TRAPPC13: variants seen among roughly 807,000 people sequenced by gnomAD.
The protein encoded by TRAPPC13 is trafficking protein particle complex subunit 13, also known as REV7-interacting novel NHEJ regulator 1.
In TRAPPC13, 39 loss-of-function variants were observed where a neutral mutation model predicts 54.0. The ratio of observed to expected loss-of-function variants is 0.72; its 90% CI spans 0.56 to 0.94. The LOEUF is 0.94. TRAPPC13 is among the 40% of genes least tolerant of loss of function. TRAPPC13 has a pLI of 0.00. For missense variants in TRAPPC13, 386 were observed against 488.1 expected, an observed-to-expected ratio of 0.79 and a Z score of 1.97; for synonymous variants, 148 against 167.7, an observed-to-expected ratio of 0.88 and a Z score of 0.91.
chr5:65,625,944 C>G (rs962548449), intron 1 of TRAPPC13: 12 of 152,172 alleles, frequency 7.9e-5, no homozygotes, highest in African/African-American at 2.9e-4. Context: ...TTTTGAGGAA[C>G]GCCTTATCCT....
chr5:65,654,769 G>T (rs945863668), intron 7 of TRAPPC13, among the ~76,000 whole-genome samples: 1 of 152,146 alleles, frequency 6.6e-6, no homozygotes, highest in Admixed American at 6.5e-5. Flanking sequence ...CTTTGTTATA[G>T]TCTTCTAAGA....
chr5:65,664,072 G>A, intron 11 of TRAPPC13, 165 bp from the exon 12 acceptor site: 1 of 689,316 alleles, frequency 1.5e-6, no homozygotes, highest in Non-Finnish European at 2.4e-6. Context: ...CATCTTCCTG[G>A]TTCTATCTTA....
chr5:65,650,432 G>A (rs886908386), intron 5 of TRAPPC13, among the ~76,000 whole-genome samples: 1 of 152,038 alleles, frequency 6.6e-6, no homozygotes, highest in Non-Finnish European at 1.5e-5. Flanking sequence ...AAAGTGCTAG[G>A]ATTACAGGCA....
intron 1 of TRAPPC13, among the ~76,000 whole-genome samples, chr5:65,627,003 G>A (rs1755265759): frequency 6.6e-6 from 1 of 151,500 alleles, no homozygotes; most frequent in African/African-American, 2.4e-5. Flanking sequence ...AGCCAGGTGT[G>A]GTGGTGTAAT....
intron 6 of TRAPPC13, 26 bp downstream of exon 6, chr5:65,650,908 G>GT (rs542546900): frequency 3.7e-4 from 552 of 1,497,910 alleles, no homozygotes; most frequent in Non-Finnish European, 4.7e-4. Context: ...ATGGTAAATA[G>GT]TTTTTATATG....
intron 4 of TRAPPC13, among the ~76,000 whole-genome samples, chr5:65,644,423 C>T (rs918674449): frequency 2.6e-5 from 4 of 152,134 alleles, no homozygotes; most frequent in Non-Finnish European, 4.4e-5. Context: ...GTTCAACTTA[C>T]TTAGAATAAG....
At chr5:65,635,911 A>G in intron 2 of TRAPPC13, 33 bp from the exon 3 acceptor site, 1 of 1,347,042 alleles carries the variant, frequency 7.4e-7, no homozygotes, top group Non-Finnish European at 1.0e-6. Flanking sequence ...TAAAGGGTAG[A>G]TGTTAGAATT....
At chr5:65,638,027 G>A (rs1029646991) in intron 4 of TRAPPC13, among the ~76,000 whole-genome samples, 7 of 150,344 alleles carry the variant, frequency 4.7e-5, no homozygotes, top group African/African-American at 1.2e-4. Context: ...GCTAAGGCAG[G>A]AGAGGCTAAG....
At chr5:65,659,981 AAAAAAAAAAG>A (rs1400036741) in intron 9 of TRAPPC13, among the ~76,000 whole-genome samples, 6 of 150,908 alleles carry the variant, frequency 4.0e-5, no homozygotes, top group African/African-American at 1.2e-4. Context: ...AAAAAAAAAA[AAAAAAAAAAG>A]AAGAAGAAGA....
chr5:65,634,837 T>C, intron 1 of TRAPPC13: 1 of 264,420 alleles, frequency 3.8e-6, no homozygotes, highest in Non-Finnish European at 5.9e-6. Flanking sequence ...AGATAGAGGT[T>C]GCAGTGAGCC....
At chr5:65,642,811 C>T (rs1011587938) in intron 4 of TRAPPC13, among the ~76,000 whole-genome samples, 4 of 152,110 alleles carry the variant, frequency 2.6e-5, no homozygotes, top group Non-Finnish European at 5.9e-5. Context: ...CAGTTGCATA[C>T]CACCACACCT....
chr5:65,630,148 ACTC>A, intron 1 of TRAPPC13: 1 of 1,536,062 alleles, frequency 6.5e-7, no homozygotes, highest in Non-Finnish European at 8.7e-7. Context: ...TTTGGACAAA[ACTC>A]AATCAAATTA....
rs748539936 is a variant in TRAPPC13 at position 65,662,167 on chromosome 5, T to C, written c.998+17T>C. On this transcript the variant is annotated intron_variant, in intron 11 of 12. Coordinates refer to ENST00000399438, the MANE Select transcript of TRAPPC13 (RefSeq NM_024941.4). ...AAACTGCAGGTAATGCCACTGTTTG[T>C]AGATGGATGTCCTTTCTACCTCACC... is the stretch of plus-strand genomic sequence containing the variant. 1 of 1,540,870 alleles carries C rather than the reference T, an allele frequency of 6.5e-7. No individual in the cohort carries two copies. The highest frequency in any genetic ancestry group is 8.9e-7 in the Non-Finnish European group (1 of 1,128,884).
intron 1 of TRAPPC13, among the ~76,000 whole-genome samples, chr5:65,628,366 G>T (rs1755345139): frequency 6.6e-6 from 1 of 152,026 alleles, no homozygotes; most frequent in African/African-American, 2.4e-5. Context: ...TATTAGCAAA[G>T]TTAAACCATA....
intron 7 of TRAPPC13, among the ~76,000 whole-genome samples, chr5:65,654,138 T>C (rs1410867158): frequency 6.6e-6 from 1 of 152,176 alleles, no homozygotes; most frequent in African/African-American, 2.4e-5. Flanking sequence ...TTTATAACGC[T>C]AATATTCAGA....
At chr5:65,641,011 A>G (rs154867) in intron 4 of TRAPPC13, among the ~76,000 whole-genome samples, 90,267 of 151,444 alleles carry the variant, frequency 0.6, 27,259 homozygotes, top group South Asian at 0.64. Flanking sequence ...ATAGCTCACT[A>G]TAACCTCAAA....
At chr5:65,661,179 T>C (rs560283583) in intron 10 of TRAPPC13, 141 of 246,220 alleles carry the variant, frequency 5.7e-4, no homozygotes, top group Middle Eastern at 1.2e-3. Context: ...TGGTAACACA[T>C]GCTCACTCTT....
intron 4 of TRAPPC13, among the ~76,000 whole-genome samples, chr5:65,638,239 T>C (rs1387503035): frequency 6.6e-6 from 1 of 152,224 alleles, no homozygotes; most frequent in Non-Finnish European, 1.5e-5. Context: ...AATGAATGCC[T>C]ACAGTTATAA....
In TRAPPC13 at chr5:65,641,714, A is replaced by G. The variant is rs1189864233; in HGVS notation, c.300+3934A>G. ...TGACAGGGCAATACCCTGTCTGAGA[A>G]AAAAAAAAAAACAAAAAAAACAAGA... On this transcript the variant is annotated intron_variant, in intron 4 of 12. Transcript: ENST00000399438. Among the ~76,000 whole-genome samples, 10 of 25,818 alleles carry G rather than the reference A, an allele frequency of 3.9e-4. No individual in the cohort carries two copies. In the East Asian group the frequency reaches 6.0e-3, roughly 16 times the overall value. The allele number at this position is 25,818 out of a possible 152,430, so 16.9% of individuals were successfully genotyped here. A position where few individuals can be genotyped will look rare whatever the true frequency, so the allele number is the denominator to read the frequency against.
Sources: gnomAD v4.1 joint callset for allele counts (sites outside exome capture counted in the v4.1 genomes callset) on GRCh38, gnomAD v4.1.1 for gene constraint, MANE v1.5 for transcripts, NCBI Gene and HGNC (gene_info 2026-07-23, HGNC 2026-07-21) for gene names.